NEB: variants seen among roughly 807,000 people sequenced by gnomAD.
NEB encodes nebulin.
In NEB, 512 loss-of-function variants were observed where a neutral mutation model predicts 952.2. That is an observed-to-expected ratio of 0.54 (90% CI 0.50 to 0.58). The LOEUF (loss-of-function observed/expected upper bound fraction) is 0.58. NEB is among the 20% of genes least tolerant of loss of function. The pLI is 0.00. For synonymous variants in NEB, 2,900 were observed against 3,149.8 expected, an observed-to-expected ratio of 0.92 and a Z score of 2.66; for missense variants, 8,428 against 9,231.1, an observed-to-expected ratio of 0.91 and a Z score of 3.56.
chr2:151,679,646 T>C, intron 32 of NEB, 75 bp downstream of exon 32: 2 of 969,358 alleles, frequency 2.1e-6, no homozygotes, highest in Non-Finnish European at 3.2e-6. Context: ...ATGGAGACTT[T>C]TGGGTCATCG....
Position 151,733,140 on chromosome 2 carries a change from T to C in NEB, c.17A>G (p.Asp6Gly). ...TCTTACCTCCACCACCTCCTCATAG[T>C]CTTCGTCATCTGCCATTTTTCCAGA... is the stretch of plus-strand genomic sequence containing the variant. Reference protein sequence around the residue: MADDEDYEEVVEYYTE... With the variant: MADDEGYEEVVEYYTE... Residue 6 changes from aspartate (D) to glycine (G), a missense_variant, in exon 3 of 182, where the codon GAC becomes GGC. Asp to Gly is a moderately conservative substitution (Grantham distance 94). Coordinates refer to ENST00000397345, the MANE Select transcript of NEB (RefSeq NM_001164508.2). 1.2e-6 allele frequency: 2 copies of C among 1,605,240 alleles called. No homozygotes were observed. Among genetic ancestry groups the C allele is most frequent in the Non-Finnish European group, 1.7e-6 (2 of 1,176,144 alleles).
At chr2:151,560,343 A>T (rs1376616807) in intron 124 of NEB, among the ~76,000 whole-genome samples, 1 of 152,206 alleles carries the variant, frequency 6.6e-6, no homozygotes, top group Non-Finnish European at 1.5e-5. Flanking sequence ...ATGTGCAGAC[A>T]GGCAGTCTGA....
Position 151,496,948 on chromosome 2 carries a change from A to G in NEB, c.24386T>C (p.Ile8129Thr), listed in dbSNP as rs1574977491. The G allele has an allele frequency of 1.9e-6, 3 of 1,574,306 alleles. No individual in the cohort carries two copies. The highest frequency in any genetic ancestry group is 2.3e-5 in the South Asian group (2 of 86,122). Residue 8129 changes from isoleucine to threonine, a missense_variant, in exon 172 of 182, where the codon ATT becomes ACT. By Grantham distance (89) the Ile-to-Thr change is moderately conservative (BLOSUM62 -1). Coordinates refer to ENST00000397345, the MANE Select transcript of NEB (RefSeq NM_001164508.2). ...CTTTTCTTGCCCAAGTACCGAGCTA[A>G]TATTTTCTTGATTGTGTTTGACTCT... ...MERVKHNQENISSVLYKENMG... is the reference protein window; with the variant it reads ...MERVKHNQENTSSVLYKENMG...
At chr2:151,655,081 C>T (rs1468777726) in intron 51 of NEB, among the ~76,000 whole-genome samples, 189 bp downstream of exon 51, 2 of 152,154 alleles carry the variant, frequency 1.3e-5, no homozygotes, top group Non-Finnish European at 2.9e-5. Flanking sequence ...GAACCTGCTC[C>T]ACAAAGCATA....
intron 45 of NEB, among the ~76,000 whole-genome samples, chr2:151,662,634 AC>A (rs1400434062): frequency 6.6e-6 from 1 of 152,228 alleles, no homozygotes; most frequent in Non-Finnish European, 1.5e-5. Context: ...ACTAAGAAAT[AC>A]CACATAGATT....
rs1281681157 is a variant in NEB at position 151,671,185 on chromosome 2, T to C, written c.4344A>G (p.Gly1448=). The change falls in exon 38 of 182, where the codon GGA becomes GGG. Residue 1448 remains glycine (G), a synonymous_variant. Transcript: ENST00000397345. ...DEYNSFLKGI[G]WIPIGSLEVE... ...CCTCCAGGGAACCAATAGGGATCCA[T>C]CCGATGCCCTTCAAGAAGCTGTTAT... The C allele has an allele frequency of 6.2e-7, 1 of 1,613,980 alleles. No individual in the cohort carries two copies. Among genetic ancestry groups the C allele is most frequent in the South Asian group, 1.1e-5 (1 of 91,078 alleles).
At chr2:151,714,726 T>C (rs1004241859) in intron 10 of NEB, among the ~76,000 whole-genome samples, 2 of 152,190 alleles carry the variant, frequency 1.3e-5, no homozygotes, top group Admixed American at 1.3e-4. Flanking sequence ...AGGAGGTTTT[T>C]TAAAAAATTT....
At chr2:151,612,482 T>G (rs2153983809) in intron 77 of NEB, 93 bp from the exon 78 acceptor site, 1 of 1,194,312 alleles carries the variant, frequency 8.4e-7, no homozygotes, top group East Asian at 2.5e-5. Flanking sequence ...TGTGTTAGTC[T>G]GAATCTTATT....
At chr2:151,677,533 A>C (rs1223609296) in intron 34 of NEB, 32 bp downstream of exon 34, 1 of 1,529,992 alleles carries the variant, frequency 6.5e-7, no homozygotes, top group African/African-American at 1.4e-5. Flanking sequence ...CTTCCTCCAT[A>C]TCCTCTGTCC....
At chr2:151,493,533 A>G (rs1311986841) in intron 175 of NEB, 88 bp from the exon 176 acceptor site, 7 of 860,502 alleles carry the variant, frequency 8.1e-6, no homozygotes, top group Non-Finnish European at 1.1e-5. Context: ...GGCTCATGTT[A>G]TGGCTCAGTT....
At chr2:151,683,308 G>T (rs1221220496) in intron 28 of NEB, among the ~76,000 whole-genome samples, 4 of 152,136 alleles carry the variant, frequency 2.6e-5, no homozygotes, top group Admixed American at 1.3e-4. Flanking sequence ...TAAAACAGTT[G>T]CACTCGTTAA....
intron 78 of NEB, among the ~76,000 whole-genome samples, chr2:151,611,304 G>A (rs1368312804): frequency 2.0e-5 from 3 of 152,022 alleles, no homozygotes; most frequent in Non-Finnish European, 2.9e-5. Flanking sequence ...TCTGAGAGGG[G>A]GATAATCATT....
chr2:151,650,374 T>C lies in NEB; in HGVS notation c.7233A>G (p.Leu2411=), dbSNP rs1023030953. ...TCAGCCACTCAAGGTCAGATTTATATAGATTCTGTGAAAAGACAGAGCAAG... is the reference window on the plus strand; with the variant it reads ...TCAGCCACTCAAGGTCAGATTTATACAGATTCTGTGAAAAGACAGAGCAAG... ...KKVYELQSEN[L]YKSDLEWLRG... The change falls in exon 54 of 182, where the codon CTA becomes CTG. Residue 2411 remains leucine, a synonymous_variant. Coordinates refer to ENST00000397345, the MANE Select transcript of NEB (RefSeq NM_001164508.2). 27 of 1,613,480 alleles carry C rather than the reference T, an allele frequency of 1.7e-5. No individual in the cohort carries two copies. Among genetic ancestry groups the C allele is most frequent in the Non-Finnish European group, 2.3e-5 (27 of 1,179,616 alleles).
chr2:151,563,485 G>C (rs780630811), intron 119 of NEB, 121 bp downstream of exon 119: 3 of 831,292 alleles, frequency 3.6e-6, no homozygotes, highest in Non-Finnish European at 6.1e-6. Context: ...AAAATCTCAG[G>C]AAGGACCCTA....
chr2:151,506,186 T>C lies in NEB; in HGVS notation c.23629A>G (p.Thr7877Ala). 1 of 1,613,024 alleles carries C rather than the reference T, an allele frequency of 6.2e-7. No homozygotes were observed. ...TTTACCGAGCTAATGTGGTCCTGTG[T>C]TTGTTTCACTCTCATCATCTCAGGT... Reference protein sequence around the residue: ...KTPEMMRVKQTQDHISSVKYK... With the variant: ...KTPEMMRVKQAQDHISSVKYK... The change falls in exon 164 of 182, where the codon ACA becomes GCA. Residue 7877 changes from threonine to alanine, a missense_variant. Coordinates refer to ENST00000397345, the MANE Select transcript of NEB (RefSeq NM_001164508.2).
intron 124 of NEB, among the ~76,000 whole-genome samples, chr2:151,560,121 C>T (rs1003035557): frequency 2.6e-5 from 4 of 151,990 alleles, no homozygotes; most frequent in East Asian, 3.9e-4. Context: ...AAAAGTTCTA[C>T]CTAAAAAAGG....
chr2:151,666,479 G>C, intron 40 of NEB, 78 bp from the exon 41 acceptor site: 1 of 1,392,090 alleles, frequency 7.2e-7, no homozygotes, highest in African/African-American at 1.4e-5. Flanking sequence ...AACAAATTAA[G>C]CAAAAGCCAA....
At chr2:151,733,061 C>G (rs1188530956) in intron 3 of NEB, 60 bp downstream of exon 3, 3 of 1,464,618 alleles carry the variant, frequency 2.0e-6, no homozygotes, top group Non-Finnish European at 2.8e-6. Flanking sequence ...TTCACCTACA[C>G]AGCTTTGATT....
intron 180 of NEB, 68 bp downstream of exon 180, chr2:151,490,304 A>T (rs2055287848): frequency 6.6e-7 from 1 of 1,522,740 alleles, no homozygotes; most frequent in African/African-American, 1.4e-5. Flanking sequence ...TACTCAAAGC[A>T]TCTCTTATAG....
Sources: gnomAD v4.1 joint callset for allele counts (sites outside exome capture counted in the v4.1 genomes callset) on GRCh38, gnomAD v4.1.1 for gene constraint, MANE v1.5 for transcripts, NCBI Gene and HGNC (gene_info 2026-07-23, HGNC 2026-07-21) for gene names.